The following HGSNAT variants were observed in gnomAD, a reference collection of about 807,000 sequenced individuals.
The protein encoded by HGSNAT is transmembrane protein 76.
Under a neutral mutation model 85.2 loss-of-function variants are expected in HGSNAT, and 59 were observed. The observed-to-expected ratio is 0.69, with a 90% CI of 0.56 to 0.86. HGSNAT has a LOEUF of 0.86. HGSNAT is among the 40% of genes least tolerant of loss of function. HGSNAT has a pLI of 0.00. For missense variants in HGSNAT, 756 were observed against 777.1 expected (o/e 0.97, Z 0.32); for synonymous variants, 321 against 304.5 (o/e 1.05, Z -0.56).
intron 11 of HGSNAT, among the ~76,000 whole-genome samples, chr8:43,183,169 T>C (rs1328889521): frequency 2.6e-5 from 4 of 152,180 alleles, no homozygotes; most frequent in Non-Finnish European, 5.9e-5. Context: ...ATGCATTCTG[T>C]TTTATTTACT....
intron 9 of HGSNAT, 25 bp downstream of exon 9, chr8:43,173,768 T>C (rs1803715234): frequency 1.2e-6 from 2 of 1,607,574 alleles, no homozygotes; most frequent in Non-Finnish European, 1.7e-6. Flanking sequence ...TGCCCTCTTC[T>C]CTTCCACGGG....
rs148007844 is a variant in HGSNAT at position 43,166,558 on chromosome 8, T to C, written c.564-2615T>C. ...TTTACAGCGTGGCTTACTGACTATT[T>C]TAAGCCTACTGTCGAGACCTACTGT... On this transcript the variant is annotated intron_variant, in intron 5 of 17. Coordinates refer to ENST00000379644, the MANE Select transcript of HGSNAT (RefSeq NM_152419.3). 4.4e-3 allele frequency among the ~76,000 whole-genome samples: 667 copies of C among 152,302 alleles called. 4 individuals are homozygous for C. The highest frequency in any genetic ancestry group is 0.015 in the African/African-American group (638 of 41,562).
chr8:43,164,701 A>G (rs1803376578), intron 5 of HGSNAT, among the ~76,000 whole-genome samples: 2 of 152,318 alleles, frequency 1.3e-5, no homozygotes, highest in South Asian at 4.1e-4. Flanking sequence ...GAATTGCTGG[A>G]ACCCAGGAAG....
At chr8:43,153,491 C>T (rs1802986907) in intron 2 of HGSNAT, among the ~76,000 whole-genome samples, 1 of 152,066 alleles carries the variant, frequency 6.6e-6, no homozygotes, top group Non-Finnish European at 1.5e-5. Context: ...CCGTGCCCAG[C>T]CAATGTACAC....
intron 2 of HGSNAT, among the ~76,000 whole-genome samples, chr8:43,154,771 A>T (rs949831250): frequency 6.6e-6 from 1 of 152,166 alleles, no homozygotes; most frequent in Non-Finnish European, 1.5e-5. Context: ...CGCCACACCG[A>T]CTTCCACAGT....
chr8:43,164,320 G>C (rs1458618276), intron 5 of HGSNAT, among the ~76,000 whole-genome samples: 3 of 152,080 alleles, frequency 2.0e-5, no homozygotes, highest in Admixed American at 2.0e-4. Context: ...GCACTTCACA[G>C]ATATTGCATG....
chr8:43,175,726 T>G (rs763678497), intron 9 of HGSNAT, among the ~76,000 whole-genome samples: 1 of 151,836 alleles, frequency 6.6e-6, no homozygotes, highest in African/African-American at 2.4e-5. Context: ...CCACCACACC[T>G]GGCTATTTTT....
chr8:43,151,516 T>C (rs576499111), intron 2 of HGSNAT, among the ~76,000 whole-genome samples: 213 of 152,200 alleles, frequency 1.4e-3, no homozygotes, highest in African/African-American at 4.7e-3. Context: ...AAGTAGATAA[T>C]TAAAAAATTC....
intron 4 of HGSNAT, among the ~76,000 whole-genome samples, chr8:43,160,886 G>A (rs1177092157): frequency 6.6e-6 from 1 of 152,108 alleles, no homozygotes; most frequent in African/African-American, 2.4e-5. Context: ...GGTAATGTCT[G>A]GTTGTTTTGT....
chr8:43,173,866 A>AC (rs1803719305), intron 9 of HGSNAT, 123 bp downstream of exon 9: 2 of 1,022,718 alleles, frequency 2.0e-6, no homozygotes, highest in Non-Finnish European at 2.9e-6. Flanking sequence ...TCCTTCCAAA[A>AC]GTCCTGTTAC....
intron 8 of HGSNAT, 111 bp from the exon 9 acceptor site, chr8:43,173,602 C>T (rs1038274983): frequency 7.9e-5 from 93 of 1,174,738 alleles, no homozygotes; most frequent in African/African-American, 2.4e-4. Context: ...TGAGTCACTG[C>T]GCCTCCCCTG....
In HGSNAT at chr8:43,159,058, C is replaced by T. The variant is rs1563361748; in HGVS notation, c.493+14C>T. 6.2e-7 allele frequency: 1 copy of T among 1,602,748 alleles called. No homozygotes were observed. The highest frequency in any genetic ancestry group is 1.7e-4 in the Middle Eastern group (1 of 6,022). ...ATAGTAACCTTCGTACGTATATGTTCTCTGCTGATTTTCACATTTGCATTT... is the reference window on the plus strand; with the variant it reads ...ATAGTAACCTTCGTACGTATATGTTTTCTGCTGATTTTCACATTTGCATTT... On this transcript the variant is annotated intron_variant, in intron 4 of 17. Transcript: ENST00000379644.
intron 11 of HGSNAT, among the ~76,000 whole-genome samples, chr8:43,190,036 C>T (rs1804473088): frequency 6.6e-6 from 1 of 152,220 alleles, no homozygotes; most frequent in African/African-American, 2.4e-5. Context: ...GTTTTGGTAT[C>T]TGTTCAAATG....
chr8:43,191,366 C>A, intron 11 of HGSNAT, 108 bp from the exon 12 acceptor site: 2 of 1,371,830 alleles, frequency 1.5e-6, no homozygotes, highest in South Asian at 1.4e-5. Context: ...TGTATTACTG[C>A]CAAAAAGGCC....
In HGSNAT at chr8:43,200,196, T is replaced by A. The variant is rs1390100942; in HGVS notation, c.*627T>A. The A allele has an allele frequency of 6.6e-6, 1 of 152,266 alleles. No individual in the cohort carries two copies. The highest frequency in any genetic ancestry group is 1.5e-5 in the Non-Finnish European group (1 of 68,060). 9.4% of individuals were successfully genotyped at this position (152,266 alleles called of 1,614,324 possible). The stretch of plus-strand genomic sequence containing the variant: ...AAAAGTTAAAATATCTATGTGTTAT[T>A]CCCAAACCCTCTTACCTATGTATCT... On this transcript the variant is annotated 3_prime_UTR_variant, in exon 18 of 18. Transcript: ENST00000379644.
At chr8:43,196,208 T>C in intron 14 of HGSNAT, 1 of 329,184 alleles carries the variant, frequency 3.0e-6, no homozygotes, top group Non-Finnish European at 6.0e-6. Flanking sequence ...TTGAATAAGT[T>C]AATTCATGTA....
rs1804933253 is a variant in HGSNAT, at chr8:43,202,078, T to G, written c.*2509T>G. 6.5e-6 allele frequency: 1 copy of G among 152,850 alleles called. No homozygotes were observed. The allele number at this position is 152,850 out of a possible 1,614,324, so 9.5% of individuals were successfully genotyped here. A position where few individuals can be genotyped will look rare whatever the true frequency, so the allele number is the denominator to read the frequency against. On this transcript the variant is annotated 3_prime_UTR_variant, in exon 18 of 18. Coordinates refer to ENST00000379644, the MANE Select transcript of HGSNAT (RefSeq NM_152419.3). ...AAACTGTGGGTTACATCAACTTGGG[T>G]GTCTTGAGCTGTAAGGAAGGAACTC...
chr8:43,170,053 T>C (rs747824672), intron 6 of HGSNAT, among the ~76,000 whole-genome samples: 1 of 151,898 alleles, frequency 6.6e-6, no homozygotes, highest in Non-Finnish European at 1.5e-5. Context: ...ACTCTTGGGC[T>C]CAAGAGATTT....
At chr8:43,191,725 C>A in intron 12 of HGSNAT, 130 bp downstream of exon 12, 3 of 1,159,406 alleles carry the variant, frequency 2.6e-6, no homozygotes, top group African/African-American at 1.5e-5. Flanking sequence ...GCCTGCTTTG[C>A]ATGGGGAGAG....
Sources: allele counts gnomAD v4.1 joint callset (sites outside exome capture counted in the v4.1 genomes callset), GRCh38; gene constraint gnomAD v4.1.1; transcripts MANE v1.5; gene names NCBI Gene and HGNC (gene_info 2026-07-23, HGNC 2026-07-21).